The following CCDC102B variants were observed in gnomAD, a reference collection of about 807,000 sequenced individuals.
The protein encoded by CCDC102B is coiled-coil domain containing 102B, also known as coiled-coil domain-containing protein 102B.
In CCDC102B, 75 loss-of-function variants were observed where a neutral mutation model predicts 57.4. The observed-to-expected ratio is 1.31, with a 90% CI of 1.08 to 1.58. The LOEUF (loss-of-function observed/expected upper bound fraction) is 1.58. Ranked by LOEUF, CCDC102B falls within the 40% of genes most tolerant of loss-of-function variation. CCDC102B has a pLI of 0.00. For synonymous variants in CCDC102B, 206 were observed against 201.9 expected (o/e 1.02, Z -0.17); for missense variants, 636 against 582.6 (o/e 1.09, Z -0.94).
At chr18:68,874,489 A>G (rs2039365588) in intron 4 of CCDC102B, among the ~76,000 whole-genome samples, 180 bp from the exon 5 acceptor site, 1 of 151,814 alleles carries the variant, frequency 6.6e-6, no homozygotes, top group East Asian at 1.9e-4. Context: ...GCATTTTTGA[A>G]CTACAAGTAT....
At chr18:68,873,347 A>C (rs1318516327) in intron 4 of CCDC102B, among the ~76,000 whole-genome samples, 2 of 152,090 alleles carry the variant, frequency 1.3e-5, no homozygotes. Flanking sequence ...TTTCTAGTAT[A>C]CTTGGACTAT....
intron 5 of CCDC102B, among the ~76,000 whole-genome samples, chr18:68,880,030 GC>G (rs2039620144): frequency 6.6e-6 from 1 of 152,224 alleles, no homozygotes; most frequent in African/African-American, 2.4e-5. Flanking sequence ...ATGGGATTGG[GC>G]GCTGTGGAGC....
Position 69,054,351 on chromosome 18 carries a change from A to G in CCDC102B, c.*214A>G. On this transcript the variant is annotated 3_prime_UTR_variant, in exon 8 of 8. Transcript: ENST00000360242. ...AAGACAATTTAAATGTCATTTAAAA[A>G]CAACTTTAATTCTAAGATGTGTAAA... 1 of 1,202,206 alleles carries G rather than the reference A, an allele frequency of 8.3e-7. No homozygotes were observed. 74.5% of individuals were successfully genotyped at this position (1,202,206 alleles called of 1,614,324 possible). A position where few individuals can be genotyped will look rare whatever the true frequency, so the allele number is the denominator to read the frequency against.
At chr18:68,804,833 T>C (rs2035975114) in intron 1 of CCDC102B, among the ~76,000 whole-genome samples, 1 of 151,682 alleles carries the variant, frequency 6.6e-6, no homozygotes, top group Non-Finnish European at 1.5e-5. Flanking sequence ...ATGCCAAAGA[T>C]ATGGAATGGC....
At chr18:69,032,516 T>G (rs1048592125) in intron 7 of CCDC102B, among the ~76,000 whole-genome samples, 1 of 152,208 alleles carries the variant, frequency 6.6e-6, no homozygotes, top group African/African-American at 2.4e-5. Context: ...AAAACCCTTG[T>G]GAGGTACTGG....
upstream of CCDC102B, among the ~76,000 whole-genome samples, chr18:68,797,598 A>G (rs2035676700): frequency 6.6e-6 from 1 of 152,012 alleles, no homozygotes; most frequent in Non-Finnish European, 1.5e-5. Flanking sequence ...ACATGCAGTT[A>G]TTGTTTCATG....
At chr18:68,913,659 G>GAA (rs35793292) in intron 6 of CCDC102B, among the ~76,000 whole-genome samples, 37,223 of 141,760 alleles carry the variant, frequency 0.26, 5,887 homozygotes, top group East Asian at 0.6. Flanking sequence ...GGTCTCAAAA[G>GAA]AAAAAAAAAA....
At chr18:68,806,844 G>A (rs1008632696) in intron 1 of CCDC102B, among the ~76,000 whole-genome samples, 7 of 152,118 alleles carry the variant, frequency 4.6e-5, no homozygotes, top group African/African-American at 9.6e-5. Flanking sequence ...ACATTTTTAC[G>A]TTTCATGCTG....
chr18:68,956,892 C>G (rs550351144), intron 6 of CCDC102B, among the ~76,000 whole-genome samples: 1 of 151,436 alleles, frequency 6.6e-6, no homozygotes, highest in Admixed American at 6.6e-5. Flanking sequence ...ATGTTAAGTA[C>G]CTTTTCATAT....
chr18:68,807,572 T>G (rs889209577), intron 1 of CCDC102B, among the ~76,000 whole-genome samples: 2 of 152,174 alleles, frequency 1.3e-5, no homozygotes, highest in African/African-American at 4.8e-5. Flanking sequence ...TTCCACTCTT[T>G]GCAGCTTTCC....
At chr18:68,764,377 C>CT (rs1568238020) in intron 2 of CCDC102B, among the ~76,000 whole-genome samples, 1 of 152,134 alleles carries the variant, frequency 6.6e-6, no homozygotes, top group African/African-American at 2.4e-5. Flanking sequence ...GTTTGCATGA[C>CT]TTCTAGTTTT....
chr18:68,982,513 T>C (rs1434171281), intron 6 of CCDC102B, among the ~76,000 whole-genome samples: 2 of 151,966 alleles, frequency 1.3e-5, no homozygotes, highest in Non-Finnish European at 2.9e-5. Flanking sequence ...CTTCCCCCAC[T>C]CTATAACAAG....
At chr18:68,726,531 T>A (rs2032603097) in intron 2 of CCDC102B, among the ~76,000 whole-genome samples, 1 of 152,234 alleles carries the variant, frequency 6.6e-6, no homozygotes, top group Non-Finnish European at 1.5e-5. Flanking sequence ...GTCCCTGATA[T>A]AATCCACACT....
In CCDC102B at chr18:68,834,039, G is replaced by A. The variant is rs576128917; in HGVS notation, c.-15-2710G>A. 2.6e-5 allele frequency among the ~76,000 whole-genome samples: 4 copies of A among 152,218 alleles called. No individual in the cohort carries two copies. The South Asian group carries it at 8.3e-4, about 32-fold the overall frequency. The stretch of plus-strand genomic sequence containing the variant: ...TGAAGACTTTAGTGCATATGCATAT[G>A]TGTGTTAACCAGTCTCATCTCAAGC... On this transcript the variant is annotated intron_variant, in intron 1 of 7. Transcript: ENST00000360242.
chr18:68,761,238 A>C (rs1350722241), intron 2 of CCDC102B, among the ~76,000 whole-genome samples: 1 of 152,024 alleles, frequency 6.6e-6, no homozygotes, highest in African/African-American at 2.4e-5. Context: ...TATTATTTTT[A>C]TTTTCTCTAA....
intron 2 of CCDC102B, among the ~76,000 whole-genome samples, chr18:68,723,390 T>C (rs1475757350): frequency 1.3e-5 from 2 of 152,074 alleles, no homozygotes; most frequent in African/African-American, 2.4e-5. Context: ...CTACGTCAGC[T>C]CATTCCAGCA....
chr18:68,840,994 TCTC>T (rs1283307288), intron 3 of CCDC102B, among the ~76,000 whole-genome samples: 1 of 152,190 alleles, frequency 6.6e-6, no homozygotes. Context: ...GTCTTCCTAC[TCTC>T]CTCTTTTAAG....
intron 7 of CCDC102B, among the ~76,000 whole-genome samples, chr18:69,017,762 A>G (rs1241550498): frequency 6.6e-6 from 1 of 152,190 alleles, no homozygotes; most frequent in Non-Finnish European, 1.5e-5. Context: ...ATTCATGCAT[A>G]TAAATGAAAC....
At chr18:68,997,423 T>G (rs947521305) in intron 6 of CCDC102B, among the ~76,000 whole-genome samples, 4 of 152,140 alleles carry the variant, frequency 2.6e-5, no homozygotes, top group Non-Finnish European at 5.9e-5. Flanking sequence ...CCTTTATTTA[T>G]CGGTAAGCAT....
Sources: allele counts gnomAD v4.1 joint callset (sites outside exome capture counted in the v4.1 genomes callset), GRCh38; gene constraint gnomAD v4.1.1; transcripts MANE v1.5; gene names NCBI Gene and HGNC (gene_info 2026-07-23, HGNC 2026-07-21).